DET1: variants seen among roughly 807,000 people sequenced by gnomAD.
The protein encoded by DET1 is DET1 homolog.
A neutral mutation model predicts 43.7 loss-of-function variants in DET1; 22 were observed. The observed-to-expected ratio is 0.50, with a 90% CI of 0.36 to 0.72. The LOEUF (loss-of-function observed/expected upper bound fraction) is 0.72, where lower values mean the gene tolerates loss of function less well. DET1 is among the 30% of genes least tolerant of loss of function. The pLI is 0.00. For synonymous variants in DET1, 315 were observed against 266.2 expected, an observed-to-expected ratio of 1.18 and a Z score of -1.79; for missense variants, 713 against 713.3, an observed-to-expected ratio of 1.00 and a Z score of 0.00.
chr15:88,527,477 A>T lies in DET1; in HGVS notation c.1271+122T>A. On this transcript the variant is annotated intron_variant, in intron 3 of 4. Coordinates refer to ENST00000268148, the MANE Select transcript of DET1 (RefSeq NM_001144074.3). ...GTTCAGGAAGAAACAAGGGGTTATA[A>T]TAAGCAGAATAACCAAAGCTATGTG... 3.6e-6 allele frequency: 3 copies of T among 841,852 alleles called. No individual in the cohort carries two copies. In the South Asian group the frequency reaches 7.0e-5, roughly 20 times the overall value. The allele number at this position is 841,852 out of a possible 1,614,324, so 52.1% of individuals were successfully genotyped here.
intron 1 of DET1, among the ~76,000 whole-genome samples, chr15:88,543,703 G>A (rs1341964824): frequency 6.6e-6 from 1 of 152,182 alleles, no homozygotes; most frequent in Non-Finnish European, 1.5e-5. Flanking sequence ...CCTCACTCAG[G>A]CTCTCCGATG....
At chr15:88,527,160 C>A (rs894826094) in intron 3 of DET1, among the ~76,000 whole-genome samples, 6 of 152,190 alleles carry the variant, frequency 3.9e-5, no homozygotes, top group African/African-American at 7.2e-5. Flanking sequence ...ACAAAGAGTT[C>A]TATACTTTGT....
At chr15:88,544,704 A>G (rs2057201375) in intron 1 of DET1, among the ~76,000 whole-genome samples, 1 of 152,178 alleles carries the variant, frequency 6.6e-6, no homozygotes, top group South Asian at 2.1e-4. Flanking sequence ...CCTGCATCAA[A>G]AAGGCCAACA....
chr15:88,529,498 T>G (rs1014012883), intron 2 of DET1, among the ~76,000 whole-genome samples: 1 of 152,134 alleles, frequency 6.6e-6, no homozygotes, highest in Non-Finnish European at 1.5e-5. Context: ...CAACAAATGA[T>G]CTCTAACCAT....
intron 1 of DET1, among the ~76,000 whole-genome samples, chr15:88,535,627 G>C (rs973934288): frequency 2.6e-5 from 4 of 151,944 alleles, no homozygotes; most frequent in Admixed American, 2.6e-4. Flanking sequence ...ACAGTGGTGT[G>C]CACTTGTAGT....
Position 88,516,694 on chromosome 15 carries a change from C to T in DET1, c.1463+88G>A. On this transcript the variant is annotated intron_variant, in intron 4 of 4. Coordinates refer to ENST00000268148, the MANE Select transcript of DET1 (RefSeq NM_001144074.3). This position sits in a 1 kb window ranked among gnomAD's most constrained non-coding sequence, Gnocchi z 4.4. ...TACCCATGAGTACGAGTCACAGTCA[C>T]AATCAAATGATGTCCAGAAAAAGAG... is the stretch of plus-strand genomic sequence containing the variant. The T allele has an allele frequency of 1.7e-6, 2 of 1,181,150 alleles. No homozygotes were observed. Among genetic ancestry groups the T allele is most frequent in the Non-Finnish European group, 2.3e-6 (2 of 878,878 alleles). 73.2% of individuals were successfully genotyped at this position (1,181,150 alleles called of 1,614,324 possible).
At chr15:88,536,939 G>A (rs920781629) in intron 1 of DET1, among the ~76,000 whole-genome samples, 1 of 152,142 alleles carries the variant, frequency 6.6e-6, no homozygotes, top group Non-Finnish European at 1.5e-5. Flanking sequence ...AAAAAGACTG[G>A]AAAGCAGGGG....
chr15:88,510,091 G>A (rs185389845), downstream of DET1, among the ~76,000 whole-genome samples: 62 of 152,212 alleles, frequency 4.1e-4, no homozygotes, highest in Non-Finnish European at 8.1e-4. Context: ...CTGAGTCAGG[G>A]ATTGGAGGCT....
Position 88,513,116 on chromosome 15 carries a change from C to G in DET1, c.1488G>C (p.Leu496=). 9.9e-6 allele frequency: 16 copies of G among 1,613,196 alleles called. No homozygotes were observed. The highest frequency in any genetic ancestry group is 1.4e-5 in the Non-Finnish European group (16 of 1,179,462). ...PIRFYARDSG[L]LKFEIQAGLL... ...ACCCCGCCTGGATCTCAAACTTGAG[C>G]AGGCCCGAGTCCCGGGCATAGAACC... Residue 496 remains leucine, a synonymous_variant, in exon 5 of 5, where the codon CTG becomes CTC. Coordinates refer to ENST00000268148, the MANE Select transcript of DET1 (RefSeq NM_001144074.3).
chr15:88,542,437 G>A (rs1031308963), intron 1 of DET1, among the ~76,000 whole-genome samples: 1 of 152,098 alleles, frequency 6.6e-6, no homozygotes, highest in African/African-American at 2.4e-5. Context: ...GTCACCAGGA[G>A]CGTTTTTAGA....
intron 1 of DET1, among the ~76,000 whole-genome samples, chr15:88,545,077 C>T (rs1044461438): frequency 6.6e-6 from 1 of 152,086 alleles, no homozygotes; most frequent in African/African-American, 2.4e-5. Flanking sequence ...AGTTTTTCTG[C>T]CCTGATTGGA....
intron 1 of DET1, among the ~76,000 whole-genome samples, chr15:88,542,117 A>T (rs1432672044): frequency 6.6e-6 from 1 of 152,206 alleles, no homozygotes; most frequent in African/African-American, 2.4e-5. Context: ...TCCATGCTCC[A>T]GACCCATCGA....
At chr15:88,537,552 A>C (rs2056985016) in intron 1 of DET1, among the ~76,000 whole-genome samples, 1 of 152,166 alleles carries the variant, frequency 6.6e-6, no homozygotes, top group Non-Finnish European at 1.5e-5. Flanking sequence ...TCCCATACCC[A>C]GTCATTTACA....
At chr15:88,539,967 G>A (rs558960148) in intron 1 of DET1, among the ~76,000 whole-genome samples, 58 of 151,830 alleles carry the variant, frequency 3.8e-4, no homozygotes, top group Admixed American at 6.6e-4. Context: ...ACCTACACCT[G>A]TCATGCTTTA....
intron 3 of DET1, among the ~76,000 whole-genome samples, chr15:88,520,657 A>T (rs1278060535): frequency 1.3e-5 from 2 of 152,312 alleles, no homozygotes; most frequent in East Asian, 3.9e-4. Context: ...CCCATAGACC[A>T]TCCTCCATTA....
rs758603465 is a variant in DET1 at position 88,527,798 on chromosome 15, AAGAG to A, written c.1084-16_1084-13del. The stretch of plus-strand genomic sequence containing the variant: ...ACAAAGAAAGATGCCTGCAGAAGAA[AAGAG>A]AGAGAGGTATGGGACAGCTGAGTAT... On this transcript the variant is annotated splice_polypyrimidine_tract_variant and intron_variant, in intron 2 of 4. Coordinates refer to ENST00000268148, the MANE Select transcript of DET1 (RefSeq NM_001144074.3). 2 of 1,574,848 alleles carry A rather than the reference AAGAG, an allele frequency of 1.3e-6. No homozygotes were observed. Among genetic ancestry groups the A allele is most frequent in the African/African-American group, 2.7e-5 (2 of 73,390 alleles).
Position 88,531,811 on chromosome 15 carries a change from T to C in DET1, c.-10-96A>G. 2 of 1,232,826 alleles carry C rather than the reference T, an allele frequency of 1.6e-6. No homozygotes were observed. The highest frequency in any genetic ancestry group is 2.2e-6 in the Non-Finnish European group (2 of 911,442). 76.4% of individuals were successfully genotyped at this position (1,232,826 alleles called of 1,614,324 possible). A position where few individuals can be genotyped will look rare whatever the true frequency, so the allele number is the denominator to read the frequency against. ...GAAACAGATTTCTCTTCTTATATCCTGAACCTAGGAGCTCCCAAGATGACA... is the reference window on the plus strand; with the variant it reads ...GAAACAGATTTCTCTTCTTATATCCCGAACCTAGGAGCTCCCAAGATGACA... On this transcript the variant is annotated intron_variant, in intron 1 of 4. Transcript: ENST00000268148. The surrounding 1 kb of genome is among the most constrained non-coding windows in gnomAD (Gnocchi z 6.2).
At chr15:88,525,827 A>ATTTTTTTTTTTTTTTTTTTTTT (rs10658727) in intron 3 of DET1, among the ~76,000 whole-genome samples, 1 of 90,698 alleles carries the variant, frequency 1.1e-5, no homozygotes, top group Non-Finnish European at 2.1e-5. Flanking sequence ...ACACTCGGCT[A>ATTTTTTTTTTTTTTTTTTTTTT]TTTTTTTTTT....
chr15:88,505,583 A>G (rs2056132194), intron 7 of DET1: 1 of 152,240 alleles, frequency 6.6e-6, no homozygotes, highest in African/African-American at 2.4e-5. Context: ...ACATTACTCA[A>G]CAAAAATGAT....
Sources: gnomAD v4.1 joint callset for allele counts (sites outside exome capture counted in the v4.1 genomes callset) on GRCh38, gnomAD v4.1.1 for gene constraint, Gnocchi (gnomAD v3.1) non-coding constraint, MANE v1.5 for transcripts, NCBI Gene and HGNC (gene_info 2026-07-23, HGNC 2026-07-21) for gene names.